The following PHACTR3 variants were observed in gnomAD, a reference collection of about 807,000 sequenced individuals.
PHACTR3 encodes the protein phosphatase and actin regulator 3.
A neutral mutation model predicts 66.8 loss-of-function variants in PHACTR3; 16 were observed. The observed-to-expected ratio is 0.24, with a 90% confidence interval of 0.16 to 0.36. PHACTR3 has a LOEUF of 0.36. PHACTR3 is among the 10% of genes least tolerant of loss of function. The pLI is 1.00. For synonymous variants in PHACTR3, 323 were observed against 292.1 expected, an observed-to-expected ratio of 1.11 and a Z score of -1.08; for missense variants, 647 against 719.9, an observed-to-expected ratio of 0.90 and a Z score of 1.16.
At chr20:59,722,168 C>A (rs1275050250) in intron 1 of PHACTR3, among the ~76,000 whole-genome samples, 2 of 152,026 alleles carry the variant, frequency 1.3e-5, no homozygotes, top group East Asian at 1.9e-4. Context: ...GGAGGCGGAG[C>A]TTGCAGTGAG....
At chr20:59,754,772 G>A (rs1276192139) in intron 3 of PHACTR3, among the ~76,000 whole-genome samples, 1 of 152,250 alleles carries the variant, frequency 6.6e-6, no homozygotes, top group Non-Finnish European at 1.5e-5. Context: ...GACGAGCAGG[G>A]ATGTGCAAGC....
At chr20:59,819,749 C>A (rs148227636) in intron 8 of PHACTR3, among the ~76,000 whole-genome samples, 254 of 151,592 alleles carry the variant, frequency 1.7e-3, no homozygotes, top group African/African-American at 5.7e-3. Context: ...CCTGATTGGG[C>A]CGGTGCTGTC....
intron 1 of PHACTR3, among the ~76,000 whole-genome samples, chr20:59,616,516 G>A (rs377351807): frequency 5.6e-4 from 86 of 152,342 alleles, no homozygotes; most frequent in Middle Eastern, 3.4e-3. Context: ...GGCATGCACC[G>A]GGAAGCTCCG....
intron 1 of PHACTR3, among the ~76,000 whole-genome samples, chr20:59,646,443 T>G (rs1337174322): frequency 6.6e-6 from 1 of 152,216 alleles, no homozygotes; most frequent in East Asian, 1.9e-4. Context: ...TTGCCTTTTT[T>G]TTAAAATCAG....
chr20:59,708,546 C>T lies in PHACTR3; in HGVS notation c.119-34561C>T, dbSNP rs377289592. Reference sequence around the variant, plus strand: ...TACAGGTGGGGATGTGTAATTCCCTCCCGCTGAGAGGCACAGAGCATTTGT... The same window carrying T: ...TACAGGTGGGGATGTGTAATTCCCTTCCGCTGAGAGGCACAGAGCATTTGT... On this transcript the variant is annotated intron_variant, in intron 1 of 12. Transcript: ENST00000371015. Among the ~76,000 whole-genome samples, 172 of 152,246 alleles carry T rather than the reference C, an allele frequency of 1.1e-3. 1 individual carries two copies. The highest frequency in any genetic ancestry group is 4.0e-3 in the African/African-American group (168 of 41,540).
At position 59,663,398 on chromosome 20, in the gene PHACTR3, C is replaced by T. The variant is rs562996411; in HGVS notation, c.118+58266C>T. On this transcript the variant is annotated intron_variant, in intron 1 of 12. Transcript: ENST00000371015. ...GGACAGACCGACGCCAGCAGAAGGA[C>T]ATCAGGGCCACTGAACCAGAAACAC... Among the ~76,000 whole-genome samples the T allele has an allele frequency of 1.1e-4, 16 of 152,322 alleles. No homozygotes were observed. In the South Asian group the frequency reaches 3.3e-3, roughly 32 times the overall value.
At chr20:59,759,745 A>C (rs1442301804) in intron 4 of PHACTR3, among the ~76,000 whole-genome samples, 1 of 152,158 alleles carries the variant, frequency 6.6e-6, no homozygotes, top group East Asian at 1.9e-4. Flanking sequence ...GCACCTCAGC[A>C]CCCAAGGGAA....
intron 1 of PHACTR3, among the ~76,000 whole-genome samples, chr20:59,673,839 G>C (rs1373163020): frequency 6.6e-6 from 1 of 152,126 alleles, no homozygotes; most frequent in African/African-American, 2.4e-5. Flanking sequence ...GTAGTTTTGT[G>C]CAGCTCACTC....
chr20:59,834,633 T>C (rs1204783770), intron 8 of PHACTR3, among the ~76,000 whole-genome samples: 1 of 152,226 alleles, frequency 6.6e-6, no homozygotes, highest in African/African-American at 2.4e-5. Context: ...AAGCCCAGTG[T>C]GTGAACAGTT....
chr20:59,710,552 A>AGCTT (rs2037878168), intron 1 of PHACTR3, among the ~76,000 whole-genome samples: 1 of 152,142 alleles, frequency 6.6e-6, no homozygotes, highest in Non-Finnish European at 1.5e-5. Flanking sequence ...ATTTTTAACC[A>AGCTT]GCTTGCTTGC....
At position 59,635,155 on chromosome 20, in the gene PHACTR3, T is replaced by TTC. The variant is rs1408305368; in HGVS notation, c.118+30025_118+30026dup. On this transcript the variant is annotated intron_variant, in intron 1 of 12. Coordinates refer to ENST00000371015, the MANE Select transcript of PHACTR3 (RefSeq NM_080672.5). ...TCTTTCTTTCTTTCTTTCTTTTTCT[T>TTC]TCTTTCTTTCTTTCCTTTCTTTCTT... Among the ~76,000 whole-genome samples the TTC allele has an allele frequency of 2.6e-3, 167 of 65,344 alleles. 1 individual carries two copies. The highest frequency in any genetic ancestry group is 8.3e-3 in the African/African-American group (126 of 15,192). 42.9% of individuals were successfully genotyped at this position (65,344 alleles called of 152,430 possible).
intron 8 of PHACTR3, among the ~76,000 whole-genome samples, chr20:59,819,824 C>A (rs780773284): frequency 6.6e-6 from 1 of 151,988 alleles, no homozygotes; most frequent in Non-Finnish European, 1.5e-5. Flanking sequence ...TACTGGCCAC[C>A]CATCAACTGA....
chr20:59,593,283 C>T lies in PHACTR3; in HGVS notation c.109+15666C>T, dbSNP rs61111359. 5.7e-3 allele frequency among the ~76,000 whole-genome samples: 862 copies of T among 152,328 alleles called. 8 individuals carry two copies. The highest frequency in any genetic ancestry group is 0.019 in the African/African-American group (810 of 41,574). On this transcript the variant is annotated intron_variant, in intron 1 of 12. Coordinates refer to the PHACTR3 transcript ENST00000359926. ...GTTTGGAGCATCTTCTCATGTACTACTTAGCATCTGTAGGTTATTTTGATG... is the reference window on the plus strand; with the variant it reads ...GTTTGGAGCATCTTCTCATGTACTATTTAGCATCTGTAGGTTATTTTGATG...
At chr20:59,778,787 C>A (rs1161123186) in intron 7 of PHACTR3, among the ~76,000 whole-genome samples, 1 of 152,204 alleles carries the variant, frequency 6.6e-6, no homozygotes, top group African/African-American at 2.4e-5. Context: ...GAGCCCTCAT[C>A]CCTGGACTGT....
intron 8 of PHACTR3, among the ~76,000 whole-genome samples, chr20:59,810,186 C>T (rs2041693837): frequency 6.6e-6 from 1 of 152,208 alleles, no homozygotes; most frequent in South Asian, 2.1e-4. Context: ...GGGGTCCCCA[C>T]CGCCGACTGT....
intron 1 of PHACTR3, among the ~76,000 whole-genome samples, chr20:59,585,592 C>T (rs2033001716): frequency 6.6e-6 from 1 of 152,168 alleles, no homozygotes; most frequent in South Asian, 2.1e-4. Context: ...AAGGTAAACC[C>T]AGGGCAGCAG....
chr20:59,830,725 ACT>A lies in PHACTR3; in HGVS notation c.1329-5776_1329-5775del, dbSNP rs899828736. On this transcript the variant is annotated intron_variant, in intron 8 of 12. Transcript: ENST00000371015. The surrounding 1 kb of genome is among the most constrained non-coding windows in gnomAD (Gnocchi z 5.8). ...CCTCCTCCTGTATTTAGTGTTCTCG[ACT>A]CTCCCAGCATCCCTGTGGGTTTTGT... Among the ~76,000 whole-genome samples the A allele has an allele frequency of 2.0e-5, 3 of 151,500 alleles. No homozygotes were observed. The highest frequency in any genetic ancestry group is 4.4e-5 in the Non-Finnish European group (3 of 67,856).
At chr20:59,623,958 G>C (rs552341048) in intron 1 of PHACTR3, among the ~76,000 whole-genome samples, 1 of 152,200 alleles carries the variant, frequency 6.6e-6, no homozygotes, top group Non-Finnish European at 1.5e-5. Flanking sequence ...GCCCATGGGC[G>C]TTGTGTAGAG....
At chr20:59,685,106 C>T (rs2036813319) in intron 1 of PHACTR3, among the ~76,000 whole-genome samples, 1 of 152,220 alleles carries the variant, frequency 6.6e-6, no homozygotes, top group South Asian at 2.1e-4. Context: ...CCACCTCTTT[C>T]CCCACCTCAC....
Sources: gnomAD v4.1 joint callset for allele counts (sites outside exome capture counted in the v4.1 genomes callset) on GRCh38, gnomAD v4.1.1 for gene constraint, Gnocchi (gnomAD v3.1) non-coding constraint, MANE v1.5 for transcripts, NCBI Gene and HGNC (gene_info 2026-07-23, HGNC 2026-07-21) for gene names.